DLGAP4: variants seen among roughly 807,000 people sequenced by gnomAD.
DLGAP4 encodes the protein DLG associated protein 4.
A neutral mutation model predicts 86.9 loss-of-function variants in DLGAP4; 18 were observed. The observed-to-expected ratio is 0.21, with a 90% CI of 0.14 to 0.31. DLGAP4 has a LOEUF of 0.31. Among genes scored for constraint, DLGAP4 ranks in the 10% least tolerant of loss-of-function variants. The pLI is 1.00. For missense variants in DLGAP4, 1,085 were observed against 1,362.6 expected, an observed-to-expected ratio of 0.80 and a Z score of 3.21; for synonymous variants, 548 against 574.3, an observed-to-expected ratio of 0.95 and a Z score of 0.65.
chr20:36,521,156 T>C (rs2037355572), intron 10 of DLGAP4, among the ~76,000 whole-genome samples: 1 of 152,198 alleles, frequency 6.6e-6, no homozygotes, highest in Non-Finnish European at 1.5e-5. Flanking sequence ...AGTTTTGCCA[T>C]GTTGCCCAGG....
At chr20:36,519,416 A>G (rs1005121286) in intron 10 of DLGAP4, among the ~76,000 whole-genome samples, 2 of 151,990 alleles carry the variant, frequency 1.3e-5, no homozygotes, top group Non-Finnish European at 2.9e-5. Flanking sequence ...TGAGGTTTAG[A>G]GTTTTCTGTC....
chr20:36,372,152 G>T (rs890858083), intron 2 of DLGAP4, among the ~76,000 whole-genome samples: 5 of 152,200 alleles, frequency 3.3e-5, no homozygotes, highest in African/African-American at 1.2e-4. Flanking sequence ...GTAGGTGTGG[G>T]CTTAAGTGAG....
At chr20:36,373,951 C>T (rs905352801) in intron 2 of DLGAP4, among the ~76,000 whole-genome samples, 4 of 149,082 alleles carry the variant, frequency 2.7e-5, no homozygotes, top group Admixed American at 6.8e-5. Context: ...GTGGAAGAAT[C>T]GCTTGAATGC....
intron 8 of DLGAP4, chr20:36,497,920 C>CAG (rs1478379776): frequency 6.5e-6 from 1 of 152,944 alleles, no homozygotes; most frequent in Non-Finnish European, 1.5e-5. Context: ...GCTGGACCTG[C>CAG]AGACCAAACT....
At chr20:36,433,946 ATT>A (rs796868709) in intron 3 of DLGAP4, among the ~76,000 whole-genome samples, 11 of 136,804 alleles carry the variant, frequency 8.0e-5, no homozygotes, top group African/African-American at 3.0e-4. Flanking sequence ...GCACCCAGCA[ATT>A]TTTTTTTTTT....
At chr20:36,440,493 T>C (rs540571127) in intron 5 of DLGAP4, among the ~76,000 whole-genome samples, 102 of 152,140 alleles carry the variant, frequency 6.7e-4, no homozygotes, top group African/African-American at 2.4e-3. Flanking sequence ...GGCTGAACGT[T>C]GAATTTGCAT....
At chr20:36,495,376 C>T (rs1192521132) in intron 7 of DLGAP4, among the ~76,000 whole-genome samples, 3 of 152,142 alleles carry the variant, frequency 2.0e-5, no homozygotes, top group Admixed American at 6.5e-5. Context: ...TGGGCTATCA[C>T]CATCACCATG....
chr20:36,501,766 G>C (rs1388545241), intron 10 of DLGAP4, among the ~76,000 whole-genome samples: 1 of 152,228 alleles, frequency 6.6e-6, no homozygotes, highest in Non-Finnish European at 1.5e-5. Context: ...TGATGATGCA[G>C]AAGACTCATC....
chr20:36,370,336 C>CA (rs57640983), intron 2 of DLGAP4, among the ~76,000 whole-genome samples: 2,345 of 131,530 alleles, frequency 0.018, 57 homozygotes, highest in African/African-American at 0.057. Context: ...CTCATCTCTC[C>CA]AAAAAAAAAA....
chr20:36,386,248 T>G (rs1336874843), intron 2 of DLGAP4, among the ~76,000 whole-genome samples: 1 of 151,838 alleles, frequency 6.6e-6, no homozygotes, highest in African/African-American at 2.4e-5. Flanking sequence ...GGGTCAGGGG[T>G]CATTCTGGGG....
intron 2 of DLGAP4, among the ~76,000 whole-genome samples, chr20:36,396,416 CACACACACCACAT>C (rs2031973466): frequency 4.4e-5 from 1 of 22,960 alleles, no homozygotes; most frequent in Non-Finnish European, 9.5e-5. Context: ...CACATACACA[CACACACACCACAT>C]ACACACACCC....
chr20:36,392,660 G>A (rs538972543), intron 2 of DLGAP4, among the ~76,000 whole-genome samples: 137 of 152,288 alleles, frequency 9.0e-4, no homozygotes, highest in African/African-American at 3.0e-3. Flanking sequence ...GAGCCACCGC[G>A]CCCAGCCCAT....
chr20:36,504,521 T>C (rs1269656735), intron 10 of DLGAP4, among the ~76,000 whole-genome samples: 1 of 152,130 alleles, frequency 6.6e-6, no homozygotes, highest in Admixed American at 6.5e-5. Flanking sequence ...GGGAGTGAAA[T>C]TGCTAAGTTA....
intron 10 of DLGAP4, among the ~76,000 whole-genome samples, chr20:36,505,586 T>G (rs1027277816): frequency 2.6e-5 from 4 of 151,762 alleles, no homozygotes; most frequent in Non-Finnish European, 5.9e-5. Context: ...ACCAGCCTGG[T>G]CAACATAGCG....
chr20:36,473,807 G>A (rs1293219670), intron 7 of DLGAP4, among the ~76,000 whole-genome samples: 1 of 152,084 alleles, frequency 6.6e-6, no homozygotes. Flanking sequence ...GGGTCCCTAA[G>A]TACAGAGCTG....
rs11483421 is a variant in DLGAP4 at position 36,527,468 on chromosome 20, T to TG, written c.*438dup. On this transcript the variant is annotated 3_prime_UTR_variant, in exon 13 of 13. Coordinates refer to ENST00000339266, the MANE Select transcript of DLGAP4 (RefSeq NM_001365621.2). ...TCCCCAGCTATCCCCGCTCTGACCT[T>TG]GATTTTCATTCTTATGTTTTTCTCT... 0.087 allele frequency: 13,534 copies of TG among 155,338 alleles called. 2,028 individuals are homozygous for TG. Among genetic ancestry groups the TG allele is most frequent in the African/African-American group, 0.31 (12,716 of 41,508 alleles). The allele number at this position is 155,338 out of a possible 1,614,324, so 9.6% of individuals were successfully genotyped here.
At position 36,432,692 on chromosome 20, in the gene DLGAP4, G is replaced by C; in HGVS notation, c.975G>C (p.Gln325His). Residue 325 changes from glutamine to histidine, a missense_variant, in exon 3 of 13, where the codon CAG becomes CAC. By Grantham distance (24) the Gln-to-His change is conservative. Around this residue, in one of 2 missense-constraint regions of DLGAP4, gnomAD observed 1,082 missense variants for 1,344.1 expected, o/e 0.81. Transcript: ENST00000339266. The surrounding 1 kb of genome is among the most constrained non-coding windows in gnomAD (Gnocchi z 6.5). ...TGCTCAAGTCCAAATCCTGCCACCA[G>C]GGTCTAGCCTACCATTACCTGCAGG... ...KSLLKSKSCH[Q>H]GLAYHYLQVP... The C allele has an allele frequency of 6.2e-7, 1 of 1,613,354 alleles. No homozygotes were observed. The highest frequency in any genetic ancestry group is 8.5e-7 in the Non-Finnish European group (1 of 1,179,760).
rs1221266736 is a variant in DLGAP4, at chr20:36,500,911, C to A, written c.2512+300C>A. 1.3e-5 allele frequency among the ~76,000 whole-genome samples: 2 copies of A among 152,096 alleles called. No individual in the cohort carries two copies. Among genetic ancestry groups the A allele is most frequent in the Non-Finnish European group, 2.9e-5 (2 of 68,022 alleles). ...TAGTGAAGTAACCTTGGTCAGGTTA[C>A]TCCGAGCCCCCATTTCCTCATCTGT... On this transcript the variant is annotated intron_variant, in intron 10 of 12. Coordinates refer to ENST00000339266, the MANE Select transcript of DLGAP4 (RefSeq NM_001365621.2). The surrounding 1 kb of genome is among the most constrained non-coding windows in gnomAD (Gnocchi z 4.6).
Position 36,500,046 on chromosome 20 carries a change from G to A in DLGAP4, c.2100-153G>A, listed in dbSNP as rs1423670159. 6.6e-6 allele frequency among the ~76,000 whole-genome samples: 1 copy of A among 152,204 alleles called. No individual in the cohort carries two copies. The highest frequency in any genetic ancestry group is 1.9e-4 in the East Asian group (1 of 5,188). ...GCAAGGGCTGAGCCAAGAATGAGAT[G>A]GGGGCTGTGGGACCCGCTTCAGGCG... On this transcript the variant is annotated intron_variant, in intron 9 of 12. Coordinates refer to ENST00000339266, the MANE Select transcript of DLGAP4 (RefSeq NM_001365621.2). This position sits in a 1 kb window ranked among gnomAD's most constrained non-coding sequence, Gnocchi z 4.6.
Sources: gnomAD v4.1 joint callset for allele counts (sites outside exome capture counted in the v4.1 genomes callset) on GRCh38, gnomAD v4.1.1 for gene constraint, gnomAD v4.1.1 regional missense constraint, Gnocchi (gnomAD v3.1) non-coding constraint, MANE v1.5 for transcripts, NCBI Gene and HGNC (gene_info 2026-07-23, HGNC 2026-07-21) for gene names.